Variants in DIPK1A observed in about 807,000 individuals in gnomAD.
DIPK1A encodes the protein divergent protein kinase domain 1A.
Under a neutral mutation model 40.8 loss-of-function variants are expected in DIPK1A, and 27 were observed. That is an observed-to-expected ratio of 0.66 (90% CI 0.49 to 0.91). The LOEUF is 0.91. Ranked by LOEUF, DIPK1A falls within the 40% of genes least tolerant of loss-of-function variation. The probability of loss-of-function intolerance (pLI) is 0.00; values close to 1 mark genes in which losing one functional copy is unlikely to be tolerated. For synonymous variants in DIPK1A, 166 were observed against 171.3 expected, an observed-to-expected ratio of 0.97 and a Z score of 0.24; for missense variants, 412 against 505.7, an observed-to-expected ratio of 0.81 and a Z score of 1.78.
intron 4 of DIPK1A, chr1:92,835,091 G>A: frequency 4.7e-6 from 4 of 850,338 alleles, no homozygotes; most frequent in Non-Finnish European, 7.4e-6. Flanking sequence ...AAAATTTTCT[G>A]CAATGACACA....
chr1:92,881,558 C>T (rs1039305479), intron 1 of DIPK1A, among the ~76,000 whole-genome samples: 2 of 151,912 alleles, frequency 1.3e-5, no homozygotes, highest in Admixed American at 6.6e-5. Context: ...AGAGGCTGAC[C>T]GCAAAACAAA....
chr1:92,872,250 T>C (rs1250322296), intron 2 of DIPK1A, among the ~76,000 whole-genome samples: 3 of 151,856 alleles, frequency 2.0e-5, no homozygotes, highest in African/African-American at 7.3e-5. Flanking sequence ...CGGCTAATTT[T>C]TTTGTATTTT....
chr1:92,888,572 T>C (rs1648714359), intron 1 of DIPK1A, among the ~76,000 whole-genome samples: 1 of 152,232 alleles, frequency 6.6e-6, no homozygotes, highest in African/African-American at 2.4e-5. Context: ...CTGGATCATA[T>C]GGCAGTTTCA....
intron 1 of DIPK1A, among the ~76,000 whole-genome samples, chr1:92,915,268 A>C (rs997695850): frequency 1.3e-5 from 2 of 152,112 alleles, no homozygotes; most frequent in African/African-American, 4.8e-5. Context: ...ATTCAGGACT[A>C]AGGAGGACAA....
At chr1:92,941,790 C>T (rs181626937) in intron 1 of DIPK1A, among the ~76,000 whole-genome samples, 28 of 152,172 alleles carry the variant, frequency 1.8e-4, no homozygotes. Flanking sequence ...AAATTGATTC[C>T]CTTAACTATC....
At chr1:92,856,498 ACCTCCT>A (rs1687993119) in intron 2 of DIPK1A, among the ~76,000 whole-genome samples, 1 of 151,912 alleles carries the variant, frequency 6.6e-6, no homozygotes, top group South Asian at 2.1e-4. Flanking sequence ...GCTCACTGCA[ACCTCCT>A]CCTCCTGGGA....
At chr1:92,934,331 A>G (rs970545357) in intron 1 of DIPK1A, among the ~76,000 whole-genome samples, 22 of 152,316 alleles carry the variant, frequency 1.4e-4, no homozygotes, top group African/African-American at 5.3e-4. Flanking sequence ...AAAAGTGGAG[A>G]ATTTATTCAA....
chr1:92,858,112 C>T (rs1688048198), intron 2 of DIPK1A, among the ~76,000 whole-genome samples: 2 of 152,140 alleles, frequency 1.3e-5, no homozygotes, highest in Non-Finnish European at 2.9e-5. Context: ...GGGTTTTTAT[C>T]CGGAAGTAGG....
At position 92,948,667 on chromosome 1, in the gene DIPK1A, GTGTATATATACATGTATA is replaced by G. The variant is rs1434162220; in HGVS notation, c.54+12691_54+12708del. Among the ~76,000 whole-genome samples the G allele has an allele frequency of 9.8e-4, 139 of 142,478 alleles. 2 individuals carry two copies. Among genetic ancestry groups the G allele is most frequent in the African/African-American group, 3.4e-3 (134 of 39,042 alleles). 93.5% of individuals were successfully genotyped at this position (142,478 alleles called of 152,430 possible). Reference sequence around the variant, plus strand: ...AATATATATACGTATATATACATATGTGTATATATACATGTATATGTATATATACACATATGTATATAC... The same window carrying G: ...AATATATATACGTATATATACATATGTGTATATATACACATATGTATATAC... On this transcript the variant is annotated intron_variant, in intron 1 of 4. Transcript: ENST00000370310.
chr1:92,929,017 T>C (rs1650635386), intron 1 of DIPK1A, among the ~76,000 whole-genome samples: 1 of 152,198 alleles, frequency 6.6e-6, no homozygotes, highest in Admixed American at 6.5e-5. Context: ...TGAGGTTTCC[T>C]ACTTGTTCAA....
At chr1:92,876,646 A>G (rs1648141920) in intron 1 of DIPK1A, among the ~76,000 whole-genome samples, 1 of 152,150 alleles carries the variant, frequency 6.6e-6, no homozygotes, top group Admixed American at 6.5e-5. Flanking sequence ...AGGGAACAAA[A>G]TATCCTTTAA....
chr1:92,912,274 G>A (rs943788800), intron 1 of DIPK1A, among the ~76,000 whole-genome samples: 3 of 151,988 alleles, frequency 2.0e-5, no homozygotes, highest in African/African-American at 4.8e-5. Flanking sequence ...TGTTTAAGTT[G>A]CTGCCCCATC....
intron 2 of DIPK1A, among the ~76,000 whole-genome samples, chr1:92,857,434 G>A (rs1405435639): frequency 1.3e-5 from 2 of 150,988 alleles, no homozygotes; most frequent in Non-Finnish European, 2.9e-5. Flanking sequence ...TGATTCTCCT[G>A]CCTCAGTCTC....
chr1:92,909,684 T>G (rs541274097), intron 1 of DIPK1A, among the ~76,000 whole-genome samples: 26 of 152,194 alleles, frequency 1.7e-4, no homozygotes, highest in African/African-American at 6.0e-4. Flanking sequence ...TGGCCCTAGG[T>G]GTAGAGCAGA....
At chr1:92,886,008 C>T (rs993762672) in intron 1 of DIPK1A, among the ~76,000 whole-genome samples, 2 of 151,916 alleles carry the variant, frequency 1.3e-5, no homozygotes, top group Non-Finnish European at 2.9e-5. Flanking sequence ...TGTTCTTATG[C>T]CATTATATAG....
At chr1:92,846,392 G>A (rs775050630) in intron 4 of DIPK1A, among the ~76,000 whole-genome samples, 13 of 151,912 alleles carry the variant, frequency 8.6e-5, no homozygotes, top group East Asian at 1.9e-4. Context: ...CCTATCTAGC[G>A]GTAATTTTGT....
chr1:92,956,937 C>T (rs2100924238), intron 1 of DIPK1A, among the ~76,000 whole-genome samples: 1 of 152,320 alleles, frequency 6.6e-6, no homozygotes, highest in East Asian at 1.9e-4. Context: ...GACCCAAGTA[C>T]ATGGGACTTC....
At chr1:92,879,404 G>A (rs751146894) in intron 1 of DIPK1A, among the ~76,000 whole-genome samples, 33 of 152,188 alleles carry the variant, frequency 2.2e-4, no homozygotes, top group Middle Eastern at 3.4e-3. Context: ...AAATAGCTAC[G>A]TTTTTCTACT....
intron 1 of DIPK1A, among the ~76,000 whole-genome samples, chr1:92,891,562 T>C (rs1404350604): frequency 6.6e-6 from 1 of 152,174 alleles, no homozygotes; most frequent in Non-Finnish European, 1.5e-5. Flanking sequence ...ACAGCTCCAG[T>C]CTACAGCTCC....
Sources: gnomAD v4.1 joint callset for allele counts (sites outside exome capture counted in the v4.1 genomes callset) on GRCh38, gnomAD v4.1.1 for gene constraint, MANE v1.5 for transcripts, NCBI Gene and HGNC (gene_info 2026-07-23, HGNC 2026-07-21) for gene names.